PPP2R2B: variants seen among roughly 807,000 people sequenced by gnomAD.
PPP2R2B encodes the protein serine/threonine-protein phosphatase 2A 55 kDa regulatory subunit B beta isoform.
In PPP2R2B, 5 loss-of-function variants were observed where a neutral mutation model predicts 46.0. That is an observed-to-expected ratio of 0.11 (90% CI 0.06 to 0.23). The LOEUF (loss-of-function observed/expected upper bound fraction) is 0.23, where lower values mean the gene tolerates loss of function less well. PPP2R2B is among the 10% of genes least tolerant of loss of function. PPP2R2B has a pLI of 1.00. For missense variants in PPP2R2B, 367 were observed against 575.0 expected (o/e 0.64, Z 3.70); for synonymous variants, 215 against 206.7 (o/e 1.04, Z -0.34).
intron 1 of PPP2R2B, among the ~76,000 whole-genome samples, chr5:146,940,466 T>C (rs1335582047): frequency 6.6e-6 from 1 of 151,954 alleles, no homozygotes; most frequent in Non-Finnish European, 1.5e-5. Flanking sequence ...ACCTACTTGT[T>C]CTGGCCAGAT....
intron 2 of PPP2R2B, among the ~76,000 whole-genome samples, chr5:146,793,595 CA>C (rs1026021373): frequency 1.3e-5 from 2 of 152,096 alleles, no homozygotes; most frequent in African/African-American, 4.8e-5. Flanking sequence ...ACAGCTTGGC[CA>C]AGAGCATATA....
intron 7 of PPP2R2B, among the ~76,000 whole-genome samples, chr5:146,628,250 T>A (rs920865031): frequency 7.2e-5 from 11 of 152,152 alleles, no homozygotes; most frequent in Non-Finnish European, 7.3e-5. Context: ...TGGCCTAACA[T>A]CTCAGATTTT....
chr5:147,077,048 G>GAT (rs1248151137), intron 2 of PPP2R2B, among the ~76,000 whole-genome samples: 23 of 131,574 alleles, frequency 1.7e-4, no homozygotes, highest in African/African-American at 4.3e-4. Context: ...GTAATGGCCT[G>GAT]ATATATATAT....
At chr5:146,916,310 C>T (rs143400801) in intron 1 of PPP2R2B, among the ~76,000 whole-genome samples, 58 of 134,172 alleles carry the variant, frequency 4.3e-4, no homozygotes, top group Admixed American at 3.0e-3. Context: ...TTTTTTTTGA[C>T]GACTCAGAGG....
rs576077412 is a variant in PPP2R2B, at chr5:147,077,378, T to C, written c.50+3681A>G. Among the ~76,000 whole-genome samples, 13 of 150,786 alleles carry C rather than the reference T, an allele frequency of 8.6e-5. No individual in the cohort carries two copies. In the East Asian group the frequency reaches 2.2e-3, roughly 25 times the overall value. Reference sequence around the variant, plus strand: ...TATACGATTATCCCCATTCCACACCTGAGGAAAACTGAAGCATGGAGACAT... The same window carrying C: ...TATACGATTATCCCCATTCCACACCCGAGGAAAACTGAAGCATGGAGACAT... On this transcript the variant is annotated intron_variant, in intron 2 of 10. Coordinates refer to the PPP2R2B transcript ENST00000394413.
chr5:146,636,696 C>T (rs544689098), intron 7 of PPP2R2B, among the ~76,000 whole-genome samples: 27 of 152,322 alleles, frequency 1.8e-4, no homozygotes, highest in African/African-American at 6.5e-4. Context: ...AATATAAGTA[C>T]TCACTGAATG....
intron 1 of PPP2R2B, among the ~76,000 whole-genome samples, chr5:147,011,591 C>T (rs983398394): frequency 6.6e-5 from 10 of 151,696 alleles, no homozygotes; most frequent in Admixed American, 2.0e-4. Context: ...CCTGATTGCC[C>T]TGGCCAGAAC....
rs1479245310 is a variant in PPP2R2B at position 146,581,943 on chromosome 5, T to C, written c.*8004A>G. On this transcript the variant is annotated 3_prime_UTR_variant, in exon 10 of 10. Transcript: ENST00000394411. ...ACTGGAGGAAGTCAAGTTTATCTTA[T>C]TGGAGTGAATTGGGCATGTAGAATA... is the stretch of plus-strand genomic sequence containing the variant. 2.0e-5 allele frequency: 3 copies of C among 152,258 alleles called. No individual in the cohort carries two copies. Among genetic ancestry groups the C allele is most frequent in the African/African-American group, 7.2e-5 (3 of 41,464 alleles). 9.4% of individuals were successfully genotyped at this position (152,258 alleles called of 1,614,324 possible).
chr5:146,654,135 C>T (rs1424419950), intron 5 of PPP2R2B, among the ~76,000 whole-genome samples: 1 of 152,180 alleles, frequency 6.6e-6, no homozygotes, highest in East Asian at 1.9e-4. Flanking sequence ...ACACGGAGAG[C>T]TTCTTGTGCC....
In PPP2R2B at chr5:146,795,114, T is replaced by C. The variant is rs572582308; in HGVS notation, c.70+82888A>G. Among the ~76,000 whole-genome samples, 8 of 152,222 alleles carry C rather than the reference T, an allele frequency of 5.3e-5. No individual in the cohort carries two copies. The South Asian group carries it at 1.0e-3, about 20-fold the overall frequency. ...CATAAGCAGGTTATCAGTTTCTTTA[T>C]CTATAAAATGGGGCTGGTGAAAGTA... On this transcript the variant is annotated intron_variant, in intron 2 of 9. Transcript: ENST00000394411.
chr5:146,793,922 A>C (rs1471123970), intron 2 of PPP2R2B, among the ~76,000 whole-genome samples: 2 of 152,204 alleles, frequency 1.3e-5, no homozygotes, highest in Non-Finnish European at 2.9e-5. Flanking sequence ...CACTTAGTCA[A>C]ATTCACTAGA....
intron 2 of PPP2R2B, among the ~76,000 whole-genome samples, chr5:147,064,277 T>C (rs976298314): frequency 1.3e-5 from 2 of 152,188 alleles, no homozygotes; most frequent in African/African-American, 2.4e-5. Context: ...CTCAGCCCTA[T>C]TGATATTTTG....
At chr5:146,960,152 T>C (rs1444665715) in intron 1 of PPP2R2B, among the ~76,000 whole-genome samples, 2 of 152,194 alleles carry the variant, frequency 1.3e-5, no homozygotes, top group African/African-American at 4.8e-5. Context: ...CCTACCTGAC[T>C]ATAATTCTCC....
intron 2 of PPP2R2B, among the ~76,000 whole-genome samples, chr5:146,789,843 C>A (rs1303830247): frequency 1.3e-5 from 2 of 152,106 alleles, no homozygotes; most frequent in South Asian, 2.1e-4. Flanking sequence ...TGTGGATAAA[C>A]CTTTCCAAGA....
intron 1 of PPP2R2B, among the ~76,000 whole-genome samples, chr5:146,886,129 G>C (rs939494581): frequency 1.3e-5 from 2 of 152,024 alleles, no homozygotes; most frequent in Non-Finnish European, 2.9e-5. Context: ...ACGAGGTCAG[G>C]AGATCGAGAC....
chr5:146,836,506 C>G (rs984187525), intron 2 of PPP2R2B, among the ~76,000 whole-genome samples: 2 of 152,208 alleles, frequency 1.3e-5, no homozygotes, highest in African/African-American at 4.8e-5. Flanking sequence ...TGACCCGGCT[C>G]AGCTCCTAAA....
At chr5:146,983,115 A>C (rs886778217) in intron 1 of PPP2R2B, among the ~76,000 whole-genome samples, 6 of 147,780 alleles carry the variant, frequency 4.1e-5, no homozygotes, top group African/African-American at 1.5e-4. Flanking sequence ...TTAATTTCTA[A>C]TGGGTTACTT....
At chr5:146,749,558 T>C (rs1561877137) in intron 2 of PPP2R2B, among the ~76,000 whole-genome samples, 1 of 152,050 alleles carries the variant, frequency 6.6e-6, no homozygotes, top group Non-Finnish European at 1.5e-5. Flanking sequence ...GCATAAGAAC[T>C]CTTTGCTTAG....
Position 146,942,390 on chromosome 5 carries a change from A to T in PPP2R2B, c.79+113275T>A, listed in dbSNP as rs73307084. Among the ~76,000 whole-genome samples, 366 of 152,330 alleles carry T rather than the reference A, an allele frequency of 2.4e-3. 2 individuals are homozygous for T. The highest frequency in any genetic ancestry group is 8.4e-3 in the African/African-American group (351 of 41,586). Reference sequence around the variant, plus strand: ...TTCTCAAAACAAATGTTCTTTTCTTATACCGTCAGAAATAAGTCAAGTTCA... The same window carrying T: ...TTCTCAAAACAAATGTTCTTTTCTTTTACCGTCAGAAATAAGTCAAGTTCA... On this transcript the variant is annotated intron_variant, in intron 1 of 8. Coordinates refer to the PPP2R2B transcript ENST00000336640.
Sources: gnomAD v4.1 joint callset for allele counts (sites outside exome capture counted in the v4.1 genomes callset) on GRCh38, gnomAD v4.1.1 for gene constraint, MANE v1.5 for transcripts, NCBI Gene and HGNC (gene_info 2026-07-23, HGNC 2026-07-21) for gene names.